Variants in ADGRD1 observed in about 807,000 individuals in gnomAD.
The protein encoded by ADGRD1 is adhesion G protein-coupled receptor D1.
In ADGRD1, 77 loss-of-function variants were observed where a neutral mutation model predicts 113.4. The ratio of observed to expected loss-of-function variants is 0.68; its 90% confidence interval spans 0.57 to 0.82. ADGRD1 has a LOEUF of 0.82. Among genes scored for constraint, ADGRD1 ranks in the 40% least tolerant of loss-of-function variants. The pLI is 0.00. For missense variants in ADGRD1, 1,036 were observed against 1,139.1 expected, an observed-to-expected ratio of 0.91 and a Z score of 1.30; for synonymous variants, 474 against 475.0, an observed-to-expected ratio of 1.00 and a Z score of 0.03.
intron 15 of ADGRD1, among the ~76,000 whole-genome samples, chr12:131,085,090 GATA>G (rs1419299553): frequency 6.6e-6 from 1 of 152,242 alleles, no homozygotes; most frequent in Non-Finnish European, 1.5e-5. Context: ...GGGAAAGACA[GATA>G]ATAAACAAAC....
chr12:131,000,754 A>AC (rs1036507129), intron 9 of ADGRD1, among the ~76,000 whole-genome samples: 4 of 151,486 alleles, frequency 2.6e-5, no homozygotes, highest in Non-Finnish European at 4.4e-5. Flanking sequence ...AAACAAAAAA[A>AC]AAAAAAAAAA....
In ADGRD1 at chr12:131,056,894, C is replaced by A. The variant is rs560985445; in HGVS notation, c.1474-19907C>A. Reference sequence around the variant, plus strand: ...AGGGCCCTAGGACGACGAAGGAAGCCATGTCCCTGGGGAGAACTGAAGACA... The same window carrying A: ...AGGGCCCTAGGACGACGAAGGAAGCAATGTCCCTGGGGAGAACTGAAGACA... On this transcript the variant is annotated intron_variant, in intron 13 of 24. Coordinates refer to ENST00000261654, the MANE Select transcript of ADGRD1 (RefSeq NM_198827.5). 7.0e-3 allele frequency among the ~76,000 whole-genome samples: 1,068 copies of A among 152,280 alleles called. 9 individuals carry two copies. The highest frequency in any genetic ancestry group is 0.025 in the African/African-American group (1,020 of 41,540).
chr12:130,969,278 G>T (rs1871347911), intron 3 of ADGRD1: 2 of 533,426 alleles, frequency 3.7e-6, no homozygotes, highest in African/African-American at 2.0e-5. Context: ...ATTAGAACAG[G>T]GGTCCCCAGT....
At chr12:131,039,734 G>T (rs1278965595) in intron 13 of ADGRD1, among the ~76,000 whole-genome samples, 2 of 152,234 alleles carry the variant, frequency 1.3e-5, no homozygotes, top group Non-Finnish European at 2.9e-5. Context: ...CGCCCCTGCC[G>T]CTAAGCCCAG....
Position 131,041,143 on chromosome 12 carries a change from G to A in ADGRD1, c.1473+26803G>A, listed in dbSNP as rs1882095191. Among the ~76,000 whole-genome samples, 1 of 152,198 alleles carries A rather than the reference G, an allele frequency of 6.6e-6. No homozygotes were observed. The highest frequency in any genetic ancestry group is 2.4e-5 in the African/African-American group (1 of 41,462). ...ATGTTTCGATGCTCTTACCAGGAAA[G>A]GGTAGCAGGGACTTCACTGAGCACA... On this transcript the variant is annotated intron_variant, in intron 13 of 24. Coordinates refer to ENST00000261654, the MANE Select transcript of ADGRD1 (RefSeq NM_198827.5). The surrounding 1 kb of genome is among the most constrained non-coding windows in gnomAD (Gnocchi z 4.4).
intron 13 of ADGRD1, among the ~76,000 whole-genome samples, chr12:131,038,759 A>G (rs1326536253): frequency 6.6e-6 from 1 of 152,230 alleles, no homozygotes; most frequent in East Asian, 1.9e-4. Context: ...GACCTTTGAC[A>G]TCAGGGTCAG....
chr12:131,000,006 C>T (rs538329351), intron 8 of ADGRD1, among the ~76,000 whole-genome samples: 4 of 152,274 alleles, frequency 2.6e-5, no homozygotes, highest in Admixed American at 1.3e-4. Context: ...TTTGGTTTCT[C>T]GCCCCAAGAA....
At chr12:131,118,134 A>G (rs1163963171) in intron 18 of ADGRD1, among the ~76,000 whole-genome samples, 3 of 152,352 alleles carry the variant, frequency 2.0e-5, no homozygotes, top group East Asian at 1.9e-4. Flanking sequence ...ATGAAGACTC[A>G]TACACTTTGT....
At chr12:130,982,171 T>A in intron 5 of ADGRD1, 108 bp downstream of exon 5, 1 of 934,168 alleles carries the variant, frequency 1.1e-6, no homozygotes, top group Non-Finnish European at 1.6e-6. Flanking sequence ...GGGATGCTGC[T>A]GCCTCCTGGC....
chr12:130,992,560 C>T (rs1874560890), intron 8 of ADGRD1, 168 bp downstream of exon 8: 1 of 577,246 alleles, frequency 1.7e-6, no homozygotes, highest in East Asian at 2.9e-5. Context: ...CCCTCCTGGC[C>T]AGCTCTGTAC....
intron 15 of ADGRD1, among the ~76,000 whole-genome samples, chr12:131,103,626 A>G (rs2137317711): frequency 6.6e-6 from 1 of 152,246 alleles, no homozygotes; most frequent in East Asian, 1.9e-4. Flanking sequence ...CTCCTCCCTC[A>G]TTGCCAACAG....
intron 15 of ADGRD1, among the ~76,000 whole-genome samples, chr12:131,102,415 C>A (rs1349936590): frequency 6.6e-6 from 1 of 152,226 alleles, no homozygotes; most frequent in African/African-American, 2.4e-5. Flanking sequence ...AGTGCCTACC[C>A]CTCCCACAAG....
intron 13 of ADGRD1, among the ~76,000 whole-genome samples, chr12:131,037,061 G>A (rs1881537159): frequency 2.8e-5 from 4 of 144,158 alleles, no homozygotes; most frequent in Non-Finnish European, 3.0e-5. Context: ...CACTGCACCG[G>A]GTCTCACTCA....
chr12:130,994,983 C>T (rs2136674772), intron 8 of ADGRD1, among the ~76,000 whole-genome samples: 1 of 152,376 alleles, frequency 6.6e-6, no homozygotes, highest in Non-Finnish European at 1.5e-5. Context: ...TGGCCCACCG[C>T]CTGCCTGGCT....
intron 7 of ADGRD1, among the ~76,000 whole-genome samples, chr12:130,991,372 T>C (rs1593308485): frequency 6.6e-6 from 1 of 152,186 alleles, no homozygotes; most frequent in African/African-American, 2.4e-5. Context: ...GAATCTGCCC[T>C]GCTTGGCTTC....
chr12:131,125,080 TCTC>T (rs1950710048), intron 20 of ADGRD1, among the ~76,000 whole-genome samples: 1 of 152,186 alleles, frequency 6.6e-6, no homozygotes, highest in Non-Finnish European at 1.5e-5. Context: ...TGCGTCTTAA[TCTC>T]CTCTTAAAAT....
At chr12:130,983,928 T>C (rs754169551) in intron 5 of ADGRD1, among the ~76,000 whole-genome samples, 2 of 152,240 alleles carry the variant, frequency 1.3e-5, no homozygotes, top group African/African-American at 2.4e-5. Flanking sequence ...CAAAGTCTGA[T>C]GAACATTCTT....
Position 131,003,185 on chromosome 12 carries a change from G to A in ADGRD1, c.1027G>A (p.Asp343Asn). 2 of 1,611,800 alleles carry A rather than the reference G, an allele frequency of 1.2e-6. No individual in the cohort carries two copies. The highest frequency in any genetic ancestry group is 2.2e-5 in the South Asian group (2 of 91,034). ...GCTCCTGGTGCTTGTGTTGCTGCAGGACAGCGCCGTGGTACTGAGTCTCAT... is the reference window on the plus strand; with the variant it reads ...GCTCCTGGTGCTTGTGTTGCTGCAGAACAGCGCCGTGGTACTGAGTCTCAT... ...LLPGWIALSE[D>N]SAVVLSLIDT... Residue 343 changes from aspartate (D) to asparagine (N), a missense_variant and splice_region_variant, in exon 10 of 25, where the codon GAC (aspartate) becomes AAC (asparagine). Physicochemically the swap from Asp to Asn is conservative, Grantham distance 23 (BLOSUM62 1). Coordinates refer to ENST00000261654, the MANE Select transcript of ADGRD1 (RefSeq NM_198827.5). This position sits in a 1 kb window ranked among gnomAD's most constrained non-coding sequence, Gnocchi z 4.8.
intron 21 of ADGRD1, among the ~76,000 whole-genome samples, chr12:131,133,119 G>C (rs1173758235): frequency 6.6e-6 from 1 of 152,072 alleles, no homozygotes; most frequent in Non-Finnish European, 1.5e-5. Flanking sequence ...AGACCAGGAT[G>C]GTCTCCTGGA....
Sources: gnomAD v4.1 joint callset for allele counts (sites outside exome capture counted in the v4.1 genomes callset) on GRCh38, gnomAD v4.1.1 for gene constraint, Gnocchi (gnomAD v3.1) non-coding constraint, MANE v1.5 for transcripts, NCBI Gene and HGNC (gene_info 2026-07-23, HGNC 2026-07-21) for gene names.